TTLL5: variants seen among roughly 807,000 people sequenced by gnomAD.
TTLL5 encodes tubulin tyrosine ligase like 5.
TTLL5 carries 132 observed loss-of-function variants against 168.4 expected under a neutral mutation model. The ratio of observed to expected loss-of-function variants is 0.78; its 90% confidence interval spans 0.68 to 0.91. The LOEUF is 0.91. TTLL5 is among the 40% of genes least tolerant of loss of function. The pLI is 0.00. For synonymous variants in TTLL5, 546 were observed against 558.6 expected, an observed-to-expected ratio of 0.98 and a Z score of 0.32; for missense variants, 1,545 against 1,581.5, an observed-to-expected ratio of 0.98 and a Z score of 0.39.
chr14:75,896,995 A>G (rs2032694657), intron 30 of TTLL5, among the ~76,000 whole-genome samples: 1 of 152,198 alleles, frequency 6.6e-6, no homozygotes, highest in Admixed American at 6.5e-5. Context: ...GACTTGTACT[A>G]GAAAAAATTT....
At chr14:75,737,688 A>G in intron 15 of TTLL5, 1 of 1,408,172 alleles carries the variant, frequency 7.1e-7, no homozygotes, top group Non-Finnish European at 9.6e-7. Context: ...TTAGTTTTTC[A>G]TGGTACATAT....
At chr14:75,833,178 A>G (rs1167289553) in intron 28 of TTLL5, among the ~76,000 whole-genome samples, 2 of 151,988 alleles carry the variant, frequency 1.3e-5, no homozygotes, top group African/African-American at 4.8e-5. Flanking sequence ...GCCATCCCCT[A>G]GCCTCCTCCC....
At chr14:75,765,352 G>A (rs968376146) in intron 19 of TTLL5, among the ~76,000 whole-genome samples, 2 of 152,090 alleles carry the variant, frequency 1.3e-5, no homozygotes, top group Non-Finnish European at 2.9e-5. Context: ...CGATAGAGAA[G>A]GATAATGAAT....
chr14:75,776,383 C>A (rs12432321), intron 22 of TTLL5, among the ~76,000 whole-genome samples: 110,794 of 152,032 alleles, frequency 0.73, 40,694 homozygotes, highest in Admixed American at 0.79. Context: ...CTTTCCTCTC[C>A]TAATTGGAAC....
chr14:75,814,719 G>C (rs1894284883), intron 27 of TTLL5: 1 of 152,186 alleles, frequency 6.6e-6, no homozygotes, highest in Non-Finnish European at 1.5e-5. Flanking sequence ...TAATTTGCTT[G>C]GTGCAAAATT....
chr14:75,791,587 A>G (rs1892732706), intron 26 of TTLL5, among the ~76,000 whole-genome samples: 2 of 152,252 alleles, frequency 1.3e-5, no homozygotes, highest in South Asian at 4.2e-4. Flanking sequence ...GAGATTAGGA[A>G]TGGGGAGGAA....
chr14:75,731,416 CACACACAG>C (rs1448803106), intron 12 of TTLL5, among the ~76,000 whole-genome samples: 2 of 123,492 alleles, frequency 1.6e-5, no homozygotes, highest in Non-Finnish European at 3.5e-5. Flanking sequence ...CACACACACA[CACACACAG>C]GACTGTACAT....
chr14:75,899,086 A>G (rs1010763031), intron 30 of TTLL5, among the ~76,000 whole-genome samples: 14 of 152,372 alleles, frequency 9.2e-5, no homozygotes, highest in East Asian at 3.9e-4. Context: ...TGACAATACT[A>G]CTACTAGTAA....
At chr14:75,792,227 G>T (rs1370846872) in intron 26 of TTLL5, among the ~76,000 whole-genome samples, 1 of 117,984 alleles carries the variant, frequency 8.5e-6, no homozygotes, top group Non-Finnish European at 1.7e-5. Context: ...CTATCATGGG[G>T]TGGGGGGAGG....
intron 21 of TTLL5, among the ~76,000 whole-genome samples, chr14:75,773,664 G>A (rs1310467545): frequency 6.6e-6 from 1 of 151,668 alleles, no homozygotes; most frequent in Non-Finnish European, 1.5e-5. Flanking sequence ...TGAGGCGGGT[G>A]GATCAGTTGA....
chr14:75,943,943 C>T (rs1008095311), intron 31 of TTLL5, among the ~76,000 whole-genome samples: 1 of 152,138 alleles, frequency 6.6e-6, no homozygotes, highest in Non-Finnish European at 1.5e-5. Flanking sequence ...GCAGATTTGA[C>T]CCAGTTCATT....
chr14:75,853,152 A>G (rs1896958771), intron 28 of TTLL5, among the ~76,000 whole-genome samples: 1 of 152,234 alleles, frequency 6.6e-6, no homozygotes. Context: ...TTCAGAGCCA[A>G]CCATTCTTTC....
chr14:75,675,249 G>A (rs1191087021), intron 3 of TTLL5, among the ~76,000 whole-genome samples: 2 of 152,088 alleles, frequency 1.3e-5, no homozygotes. Flanking sequence ...TGATACTAGG[G>A]CACAGCTACA....
chr14:75,945,537 A>G (rs4903360), intron 31 of TTLL5, among the ~76,000 whole-genome samples: 117,643 of 151,906 alleles, frequency 0.77, 45,628 homozygotes, highest in Admixed American at 0.83. Context: ...TTACAGACAT[A>G]AGCCACTGCA....
At chr14:75,890,209 A>G (rs1259558843) in intron 30 of TTLL5, among the ~76,000 whole-genome samples, 1 of 152,202 alleles carries the variant, frequency 6.6e-6, no homozygotes, top group Non-Finnish European at 1.5e-5. Flanking sequence ...AATAGGCCGC[A>G]TATTTGTCAT....
intron 28 of TTLL5, among the ~76,000 whole-genome samples, chr14:75,858,082 GT>G (rs1897224883): frequency 6.6e-6 from 1 of 152,176 alleles, no homozygotes; most frequent in African/African-American, 2.4e-5. Flanking sequence ...GATTCTCAAA[GT>G]GCTATTATTG....
At position 75,731,374 on chromosome 14, in the gene TTLL5, T is replaced by TACACACACAC. The variant is rs3031047; in HGVS notation, c.1043-924_1043-915dup. On this transcript the variant is annotated intron_variant, in intron 12 of 31. Transcript: ENST00000298832. ...ATATAGCTATAAATATACACATACA[T>TACACACACAC]ACACACACACACACACACACACACA... is the stretch of plus-strand genomic sequence containing the variant. Among the ~76,000 whole-genome samples, 168 of 139,324 alleles carry TACACACACAC rather than the reference T, an allele frequency of 1.2e-3. 1 individual carries two copies. The highest frequency in any genetic ancestry group is 6.6e-3 in the East Asian group (31 of 4,722). 91.4% of individuals were successfully genotyped at this position (139,324 alleles called of 152,430 possible).
intron 26 of TTLL5, among the ~76,000 whole-genome samples, chr14:75,787,186 G>A (rs560613167): frequency 2.6e-5 from 4 of 151,966 alleles, no homozygotes; most frequent in African/African-American, 9.7e-5. Flanking sequence ...ATATCAAGAA[G>A]CAAATAAACA....
intron 27 of TTLL5, among the ~76,000 whole-genome samples, chr14:75,805,823 G>A (rs964213831): frequency 2.6e-5 from 4 of 152,100 alleles, no homozygotes; most frequent in Admixed American, 2.0e-4. Flanking sequence ...GTTTATCAGT[G>A]CCTCTCTTCA....
Sources: gnomAD v4.1 joint callset for allele counts (sites outside exome capture counted in the v4.1 genomes callset) on GRCh38, gnomAD v4.1.1 for gene constraint, MANE v1.5 for transcripts, NCBI Gene and HGNC (gene_info 2026-07-23, HGNC 2026-07-21) for gene names.